LRMDA: variants seen among roughly 807,000 people sequenced by gnomAD.
LRMDA encodes the protein leucine-rich melanocyte differentiation-associated protein.
A neutral mutation model predicts 29.8 loss-of-function variants in LRMDA; 18 were observed. The ratio of observed to expected loss-of-function variants is 0.60; its 90% CI spans 0.42 to 0.90. LRMDA has a LOEUF of 0.90. LRMDA is among the 40% of genes least tolerant of loss of function. LRMDA has a pLI of 0.00. For synonymous variants in LRMDA, 125 were observed against 109.4 expected (o/e 1.14, Z -0.89); for missense variants, 273 against 273.9 (o/e 1.00, Z 0.02).
chr10:76,174,899 T>C (rs1205532327), intron 5 of LRMDA, among the ~76,000 whole-genome samples: 1 of 151,888 alleles, frequency 6.6e-6, no homozygotes, highest in Non-Finnish European at 1.5e-5. Flanking sequence ...GCAGGGGGGA[T>C]TGCCTGAGCT....
Position 76,501,678 on chromosome 10 carries a change from T to C in LRMDA, c.602-55531T>C, listed in dbSNP as rs149602406. Reference sequence around the variant, plus strand: ...TTTTCTTTTGAGATGTGTCTGTTCATGTCCTTTTCCCATTTTTGATGGGAT... The same window carrying C: ...TTTTCTTTTGAGATGTGTCTGTTCACGTCCTTTTCCCATTTTTGATGGGAT... On this transcript the variant is annotated intron_variant, in intron 6 of 6. Transcript: ENST00000611255. 9.9e-5 allele frequency among the ~76,000 whole-genome samples: 15 copies of C among 152,154 alleles called. No homozygotes were observed. The East Asian group carries it at 2.5e-3, about 25-fold the overall frequency.
intron 5 of LRMDA, among the ~76,000 whole-genome samples, chr10:76,136,637 T>C (rs1850100347): frequency 6.6e-6 from 1 of 152,044 alleles, no homozygotes; most frequent in South Asian, 2.1e-4. Flanking sequence ...AAAATGACTA[T>C]ATTTGATAAA....
At chr10:76,454,442 C>G (rs1429022232) in intron 6 of LRMDA, among the ~76,000 whole-genome samples, 1 of 151,992 alleles carries the variant, frequency 6.6e-6, no homozygotes, top group East Asian at 1.9e-4. Flanking sequence ...ATTCTTTGTA[C>G]CAACTTGGCT....
intron 6 of LRMDA, among the ~76,000 whole-genome samples, chr10:76,384,534 T>A (rs765703233): frequency 1.3e-5 from 2 of 152,222 alleles, no homozygotes; most frequent in Admixed American, 6.5e-5. Context: ...AGGCTCTTTC[T>A]TCATTACCCC....
At chr10:76,007,848 G>A (rs1049789473) in intron 2 of LRMDA, among the ~76,000 whole-genome samples, 10 of 152,112 alleles carry the variant, frequency 6.6e-5, no homozygotes, top group African/African-American at 1.9e-4. Context: ...GCACTCACTC[G>A]CTTCAGATTA....
chr10:76,111,309 T>C (rs766818934), intron 5 of LRMDA, among the ~76,000 whole-genome samples: 1 of 152,270 alleles, frequency 6.6e-6, no homozygotes, highest in Non-Finnish European at 1.5e-5. Flanking sequence ...CGTATCTTTT[T>C]TGCTCATCAT....
Position 76,500,071 on chromosome 10 carries a change from G to C in LRMDA, c.602-57138G>C, listed in dbSNP as rs141207922. 2.4e-3 allele frequency among the ~76,000 whole-genome samples: 178 copies of C among 74,568 alleles called. 52 individuals are homozygous for C. In the East Asian group the frequency reaches 0.042, roughly 18 times the overall value. 48.9% of individuals were successfully genotyped at this position (74,568 alleles called of 152,430 possible). ...TTTTTTTGTTTAGAGACAGGATTTT[G>C]TTTTGTTGCCAAGGCTGATATCAAA... On this transcript the variant is annotated intron_variant, in intron 6 of 6. Coordinates refer to ENST00000611255, the MANE Select transcript of LRMDA (RefSeq NM_001305581.2).
intron 6 of LRMDA, among the ~76,000 whole-genome samples, chr10:76,487,520 A>G (rs933946116): frequency 2.6e-5 from 4 of 151,860 alleles, no homozygotes; most frequent in African/African-American, 9.7e-5. Context: ...AGATAAGGGA[A>G]TGTCAAAGTA....
At position 76,097,301 on chromosome 10, in the gene LRMDA, G is replaced by A. The variant is rs540616443; in HGVS notation, c.516+38518G>A. Among the ~76,000 whole-genome samples the A allele has an allele frequency of 5.9e-5, 9 of 152,286 alleles. No individual in the cohort carries two copies. In the East Asian group the frequency reaches 7.7e-4, roughly 13 times the overall value. ...GCTGGGATTACAGGCGTGAGCCACC[G>A]TGCCCGGCTTCATGTTGCTTTTAAA... On this transcript the variant is annotated intron_variant, in intron 5 of 6. Transcript: ENST00000611255.
chr10:75,962,850 C>A (rs956529558), intron 2 of LRMDA, among the ~76,000 whole-genome samples: 4 of 152,220 alleles, frequency 2.6e-5, no homozygotes, highest in East Asian at 1.9e-4. Context: ...TTTAACTTGT[C>A]CCCTGTTTAT....
intron 6 of LRMDA, among the ~76,000 whole-genome samples, chr10:76,342,660 AT>A (rs1213019114): frequency 3.9e-5 from 6 of 152,068 alleles, no homozygotes; most frequent in Admixed American, 2.0e-4. Context: ...AAATAAAAAA[AT>A]AAAAAGCCAT....
intron 2 of LRMDA, among the ~76,000 whole-genome samples, chr10:75,804,412 G>A (rs1330811361): frequency 6.6e-6 from 1 of 152,234 alleles, no homozygotes; most frequent in Non-Finnish European, 1.5e-5. Context: ...GAAAATTCCT[G>A]TTGGTGTGCT....
intron 2 of LRMDA, among the ~76,000 whole-genome samples, chr10:75,888,328 ATT>A (rs1254416603): frequency 6.6e-6 from 1 of 151,950 alleles, no homozygotes; most frequent in South Asian, 2.1e-4. Context: ...GAAAACTTCG[ATT>A]TTTTTTGGCA....
chr10:76,513,894 A>G (rs1444481134), intron 6 of LRMDA, among the ~76,000 whole-genome samples: 2 of 152,154 alleles, frequency 1.3e-5, no homozygotes, highest in Non-Finnish European at 2.9e-5. Flanking sequence ...TTGTGACACA[A>G]TGGCACCCAA....
At chr10:76,331,240 C>T (rs1002425144) in intron 6 of LRMDA, among the ~76,000 whole-genome samples, 1 of 152,080 alleles carries the variant, frequency 6.6e-6, no homozygotes, top group Non-Finnish European at 1.5e-5. Context: ...CACTGCACTC[C>T]AGCCTGGGCG....
At chr10:75,953,276 A>G (rs1846609013) in intron 2 of LRMDA, among the ~76,000 whole-genome samples, 1 of 152,022 alleles carries the variant, frequency 6.6e-6, no homozygotes, top group Non-Finnish European at 1.5e-5. Context: ...TAGCGGTCTC[A>G]CTATATAGCC....
In LRMDA at chr10:75,990,173, T is replaced by C. The variant is rs544656015; in HGVS notation, c.132-45835T>C. Among the ~76,000 whole-genome samples the C allele has an allele frequency of 2.0e-5, 3 of 152,348 alleles. No individual in the cohort carries two copies. In the South Asian group the frequency reaches 6.2e-4, roughly 32 times the overall value. On this transcript the variant is annotated intron_variant, in intron 2 of 6. Coordinates refer to ENST00000611255, the MANE Select transcript of LRMDA (RefSeq NM_001305581.2). Reference sequence around the variant, plus strand: ...ATTTATCGGGGAGAGGTATCTGTTATCAGAGCGTCTCACACACGGACTTAT... The same window carrying C: ...ATTTATCGGGGAGAGGTATCTGTTACCAGAGCGTCTCACACACGGACTTAT...
intron 2 of LRMDA, among the ~76,000 whole-genome samples, chr10:75,657,012 G>C (rs1841684807): frequency 6.6e-6 from 1 of 152,184 alleles, no homozygotes. Context: ...ATAAAATGGA[G>C]GCATAGGCTT....
intron 6 of LRMDA, among the ~76,000 whole-genome samples, chr10:76,538,282 C>T (rs1034834184): frequency 6.6e-6 from 1 of 151,858 alleles, no homozygotes; most frequent in African/African-American, 2.4e-5. Context: ...TACACATTGT[C>T]ATTCTTAGTC....
Sources: allele counts gnomAD v4.1 joint callset (sites outside exome capture counted in the v4.1 genomes callset), GRCh38; gene constraint gnomAD v4.1.1; transcripts MANE v1.5; gene names NCBI Gene and HGNC (gene_info 2026-07-23, HGNC 2026-07-21).